GALNT13: variants seen among roughly 807,000 people sequenced by gnomAD.
The protein encoded by GALNT13 is UDP-GalNAc:polypeptide N-acetylgalactosaminyltransferase 13.
A neutral mutation model predicts 64.2 loss-of-function variants in GALNT13; 28 were observed. The ratio of observed to expected loss-of-function variants is 0.44; its 90% CI spans 0.32 to 0.60. The LOEUF (loss-of-function observed/expected upper bound fraction) is 0.60. Ranked by LOEUF, GALNT13 falls within the 20% of genes least tolerant of loss-of-function variation. The pLI is 0.05. For synonymous variants in GALNT13, 214 were observed against 224.6 expected, an observed-to-expected ratio of 0.95 and a Z score of 0.42; for missense variants, 577 against 669.8, an observed-to-expected ratio of 0.86 and a Z score of 1.53.
At chr2:154,325,631 A>G (rs2105176040) in intron 9 of GALNT13, among the ~76,000 whole-genome samples, 1 of 152,154 alleles carries the variant, frequency 6.6e-6, no homozygotes, top group South Asian at 2.1e-4. Context: ...TGGATACATA[A>G]TAATTGTATA....
intron 10 of GALNT13, among the ~76,000 whole-genome samples, chr2:154,406,282 C>T (rs1699536301): frequency 6.6e-6 from 1 of 152,150 alleles, no homozygotes. Flanking sequence ...ACCATCATCT[C>T]TTGCTGGCAT....
the GALNT13 span, among the ~76,000 whole-genome samples, chr2:153,748,932 G>A: frequency 6.6e-6 from 1 of 152,074 alleles, no homozygotes; most frequent in South Asian, 2.1e-4. Flanking sequence ...TTCTCCCCAG[G>A]GTTTTCTTGT....
chr2:153,821,842 T>C, the GALNT13 span, among the ~76,000 whole-genome samples: 322 of 152,062 alleles, frequency 2.1e-3, 2 homozygotes, highest in African/African-American at 7.4e-3. Flanking sequence ...CAATCTAAAG[T>C]AACCATGAAA....
chr2:153,177,284 C>A, the GALNT13 span, among the ~76,000 whole-genome samples: 7 of 151,934 alleles, frequency 4.6e-5, no homozygotes, highest in Non-Finnish European at 1.0e-4. Flanking sequence ...GTACTTCTGA[C>A]AATAACTACT....
the GALNT13 span, among the ~76,000 whole-genome samples, chr2:153,299,978 G>T: frequency 4.6e-5 from 7 of 152,064 alleles, no homozygotes; most frequent in South Asian, 2.1e-4. Flanking sequence ...AGTTGCCACC[G>T]GTAGGTCTCA....
chr2:153,749,783 A>G, the GALNT13 span, among the ~76,000 whole-genome samples: 8 of 151,914 alleles, frequency 5.3e-5, no homozygotes, highest in Non-Finnish European at 1.2e-4. Flanking sequence ...GCAAATAAGG[A>G]TAATTTGACT....
At chr2:153,073,252 C>T in the GALNT13 span, among the ~76,000 whole-genome samples, 1 of 151,796 alleles carries the variant, frequency 6.6e-6, no homozygotes, top group Non-Finnish European at 1.5e-5. Context: ...TGTGGCTCCT[C>T]CTGTGTGGTT....
At chr2:154,378,458 T>C (rs991230189) in intron 9 of GALNT13, among the ~76,000 whole-genome samples, 1 of 152,144 alleles carries the variant, frequency 6.6e-6, no homozygotes, top group Non-Finnish European at 1.5e-5. Flanking sequence ...TCAAAACCAT[T>C]ATCCATCTTC....
chr2:153,908,851 G>T lies in GALNT13; in HGVS notation c.-105+7844G>T, dbSNP rs139515299. Among the ~76,000 whole-genome samples the T allele has an allele frequency of 4.5e-3, 682 of 151,878 alleles. 4 individuals are homozygous for T. The highest frequency in any genetic ancestry group is 0.016 in the African/African-American group (649 of 41,492). ...TGCGTCCAACTTTGTTCTTTTTGCT[G>T]AGATATCTTGCCTTGGATATTTGGG... is the stretch of plus-strand genomic sequence containing the variant. On this transcript the variant is annotated intron_variant, in intron 2 of 12. Transcript: ENST00000392825.
the GALNT13 span, among the ~76,000 whole-genome samples, chr2:153,773,689 G>T: frequency 6.6e-6 from 1 of 151,962 alleles, no homozygotes; most frequent in East Asian, 1.9e-4. Context: ...AGAAAATATT[G>T]ACACTTTTAT....
chr2:153,775,234 G>A, the GALNT13 span, among the ~76,000 whole-genome samples: 157 of 152,182 alleles, frequency 1.0e-3, no homozygotes, highest in African/African-American at 3.5e-3. Flanking sequence ...TATAAAAATA[G>A]ATCACAAATG....
chr2:153,069,845 T>G, the GALNT13 span, among the ~76,000 whole-genome samples: 1 of 152,236 alleles, frequency 6.6e-6, no homozygotes, highest in Non-Finnish European at 1.5e-5. Context: ...GCTCTGGTGG[T>G]GCTTGGCCCT....
chr2:154,270,438 C>A (rs1691292451), intron 8 of GALNT13, among the ~76,000 whole-genome samples: 1 of 151,542 alleles, frequency 6.6e-6, no homozygotes, highest in Admixed American at 6.6e-5. Flanking sequence ...GTGGTCGGTA[C>A]CACCCATAAT....
intron 2 of GALNT13, among the ~76,000 whole-genome samples, chr2:153,937,389 A>T (rs774957836): frequency 6.6e-6 from 1 of 152,206 alleles, no homozygotes; most frequent in Non-Finnish European, 1.5e-5. Flanking sequence ...CATGAAGGCA[A>T]CATATTGTAT....
the GALNT13 span, among the ~76,000 whole-genome samples, chr2:153,346,087 T>A: frequency 1.3e-5 from 2 of 152,060 alleles, no homozygotes; most frequent in Admixed American, 6.6e-5. Context: ...CTAATTTTTT[T>A]ATTTTAATTT....
At chr2:153,165,838 A>C in the GALNT13 span, among the ~76,000 whole-genome samples, 1 of 152,218 alleles carries the variant, frequency 6.6e-6, no homozygotes, top group Non-Finnish European at 1.5e-5. Context: ...CAAGATAAAA[A>C]TAAAGAAGCA....
At chr2:153,193,936 C>T in the GALNT13 span, among the ~76,000 whole-genome samples, 1 of 151,644 alleles carries the variant, frequency 6.6e-6, no homozygotes, top group Non-Finnish European at 1.5e-5. Context: ...TTTTTTCTGG[C>T]CTATAAGATT....
the GALNT13 span, chr2:153,201,549 ATT>A: frequency 6.6e-6 from 1 of 152,106 alleles, no homozygotes; most frequent in Non-Finnish European, 1.5e-5. Context: ...TTAAGAGCAC[ATT>A]TTCCCCAAAC....
chr2:153,370,541 G>C, the GALNT13 span: 10 of 152,144 alleles, frequency 6.6e-5, no homozygotes, highest in African/African-American at 2.4e-4. Context: ...GAATGATATA[G>C]TAGACTTAGT....
Sources: gnomAD v4.1 joint callset for allele counts (sites outside exome capture counted in the v4.1 genomes callset) on GRCh38, gnomAD v4.1.1 for gene constraint, MANE v1.5 for transcripts, NCBI Gene and HGNC (gene_info 2026-07-23, HGNC 2026-07-21) for gene names.